The following ILRUN variants were observed in gnomAD, a reference collection of about 807,000 sequenced individuals.
The protein encoded by ILRUN is protein ILRUN.
A neutral mutation model predicts 33.8 loss-of-function variants in ILRUN; 3 were observed. That is an observed-to-expected ratio of 0.09 (90% CI 0.04 to 0.23). ILRUN has a LOEUF of 0.23. ILRUN is among the 10% of genes least tolerant of loss of function. The pLI is 1.00. For missense variants in ILRUN, 210 were observed against 375.1 expected, an observed-to-expected ratio of 0.56 and a Z score of 3.64; for synonymous variants, 124 against 138.9, an observed-to-expected ratio of 0.89 and a Z score of 0.75.
At chr6:34,603,504 G>T (rs530143379) in intron 4 of ILRUN, among the ~76,000 whole-genome samples, 1 of 151,882 alleles carries the variant, frequency 6.6e-6, no homozygotes, top group African/African-American at 2.4e-5. Context: ...GCGTAGTGGC[G>T]GGCGCCTGTG....
chr6:34,690,843 C>T (rs1268437615), intron 1 of ILRUN, among the ~76,000 whole-genome samples: 1 of 152,154 alleles, frequency 6.6e-6, no homozygotes, highest in East Asian at 1.9e-4. Flanking sequence ...TCATGCAAAT[C>T]TCTGCCCGTA....
intron 3 of ILRUN, among the ~76,000 whole-genome samples, chr6:34,644,603 G>A (rs573891589): frequency 1.3e-5 from 2 of 152,104 alleles, no homozygotes; most frequent in African/African-American, 4.8e-5. Flanking sequence ...ATTTTGATAC[G>A]TGATTATTCA....
intron 1 of ILRUN, among the ~76,000 whole-genome samples, chr6:34,670,231 A>G (rs1185585479): frequency 6.6e-6 from 1 of 152,150 alleles, no homozygotes; most frequent in Non-Finnish European, 1.5e-5. Context: ...AAATCTTTAG[A>G]GACAAAAAAG....
intron 1 of ILRUN, among the ~76,000 whole-genome samples, chr6:34,691,765 C>T (rs542344645): frequency 4.6e-5 from 7 of 151,682 alleles, no homozygotes; most frequent in South Asian, 4.2e-4. Context: ...CACTGCACTC[C>T]GGCCTGGGCG....
At chr6:34,599,849 T>A (rs1761472934) in intron 4 of ILRUN, among the ~76,000 whole-genome samples, 1 of 152,216 alleles carries the variant, frequency 6.6e-6, no homozygotes, top group Non-Finnish European at 1.5e-5. Context: ...CTTTCCCCTA[T>A]CCATTGATGG....
At position 34,596,921 on chromosome 6, in the gene ILRUN, C is replaced by T. The variant is rs1371579562; in HGVS notation, c.862-6321G>A. ...GTCCTGTTGAGGAACTTCTCATCTA[C>T]CCATTTATCCTCCCTTCACCCATTC... is the stretch of plus-strand genomic sequence containing the variant. On this transcript the variant is annotated intron_variant, in intron 4 of 4. Transcript: ENST00000374023. Among the ~76,000 whole-genome samples the T allele has an allele frequency of 3.3e-5, 5 of 152,050 alleles. 1 individual carries two copies. The highest frequency in any genetic ancestry group is 1.2e-4 in the African/African-American group (5 of 41,394).
At chr6:34,622,082 T>C (rs1762024295) in intron 3 of ILRUN, among the ~76,000 whole-genome samples, 1 of 152,122 alleles carries the variant, frequency 6.6e-6, no homozygotes, top group Non-Finnish European at 1.5e-5. Context: ...CCTTATGCCA[T>C]ATACAAAAAT....
intron 3 of ILRUN, among the ~76,000 whole-genome samples, chr6:34,645,981 A>G (rs1287791222): frequency 6.6e-6 from 1 of 152,232 alleles, no homozygotes; most frequent in Non-Finnish European, 1.5e-5. Context: ...AAACTTGTGT[A>G]GTATGGTGCC....
chr6:34,695,050 C>A (rs1385330896), intron 1 of ILRUN, among the ~76,000 whole-genome samples: 485 of 110,600 alleles, frequency 4.4e-3, no homozygotes, highest in African/African-American at 5.7e-3. Context: ...GACTCCGTCT[C>A]AAAAAAAAAA....
chr6:34,654,018 C>G (rs1268939513), intron 2 of ILRUN, among the ~76,000 whole-genome samples: 1 of 150,542 alleles, frequency 6.6e-6, no homozygotes, highest in African/African-American at 2.5e-5. Flanking sequence ...TGAGCTACCA[C>G]ACCCAATCTG....
intron 1 of ILRUN, among the ~76,000 whole-genome samples, chr6:34,680,398 AT>A (rs1554189316): frequency 6.6e-6 from 1 of 152,018 alleles, no homozygotes; most frequent in Non-Finnish European, 1.5e-5. Flanking sequence ...ATTATCGCTT[AT>A]TTTTTTGTTT....
chr6:34,656,914 C>G (rs996535421), intron 1 of ILRUN, among the ~76,000 whole-genome samples: 1 of 152,204 alleles, frequency 6.6e-6, no homozygotes, highest in African/African-American at 2.4e-5. Flanking sequence ...CAAACTGCAC[C>G]TGTTTGCTTG....
intron 3 of ILRUN, chr6:34,617,262 G>A (rs546411123): frequency 2.7e-4 from 97 of 362,420 alleles, no homozygotes; most frequent in African/African-American, 1.7e-3. Flanking sequence ...GAACTAAGGC[G>A]TCTATCATGA....
At chr6:34,606,456 T>C (rs1039366289) in intron 4 of ILRUN, 99 bp downstream of exon 4, 47 of 930,068 alleles carry the variant, frequency 5.1e-5, no homozygotes, top group Non-Finnish European at 1.1e-5. Context: ...AAGAACCTCC[T>C]CTGGGGAGCG....
At chr6:34,609,058 A>C (rs931555599) in intron 3 of ILRUN, among the ~76,000 whole-genome samples, 6 of 152,280 alleles carry the variant, frequency 3.9e-5, no homozygotes, top group African/African-American at 1.4e-4. Context: ...AGGCAAATGC[A>C]TTCCATCAGT....
Position 34,612,968 on chromosome 6 carries a change from G to A in ILRUN, c.512-6064C>T, listed in dbSNP as rs193284890. Among the ~76,000 whole-genome samples, 1,369 of 152,092 alleles carry A rather than the reference G, an allele frequency of 9.0e-3. 11 individuals are homozygous for A. Among genetic ancestry groups the A allele is most frequent in the Middle Eastern group, 0.024 (7 of 294 alleles). On this transcript the variant is annotated intron_variant, in intron 3 of 4. Coordinates refer to ENST00000374023, the MANE Select transcript of ILRUN (RefSeq NM_024294.4). The stretch of plus-strand genomic sequence containing the variant: ...TGAGGCAGGAGAATGGCGTGAACCC[G>A]GGAGGCGGAGCTTGCAGTGAGCCGA...
chr6:34,684,297 G>A (rs973539399), intron 1 of ILRUN, among the ~76,000 whole-genome samples: 1 of 152,072 alleles, frequency 6.6e-6, no homozygotes, highest in African/African-American at 2.4e-5. Context: ...TGCAACCCCT[G>A]TTTAAACTAT....
Position 34,590,536 on chromosome 6 carries a change from T to G in ILRUN, c.*29A>C. Reference sequence around the variant, plus strand: ...CCCCAAAGTCAGGCCTTCTGTCTTTTGTTAATTTTTCTTCTTGCTGACACC... The same window carrying G: ...CCCCAAAGTCAGGCCTTCTGTCTTTGGTTAATTTTTCTTCTTGCTGACACC... On this transcript the variant is annotated 3_prime_UTR_variant, in exon 5 of 5. Coordinates refer to ENST00000374023, the MANE Select transcript of ILRUN (RefSeq NM_024294.4). The G allele has an allele frequency of 4.3e-6, 7 of 1,613,896 alleles. No homozygotes were observed. The highest frequency in any genetic ancestry group is 5.9e-6 in the Non-Finnish European group (7 of 1,179,806).
chr6:34,641,551 T>C (rs1192863546), intron 3 of ILRUN, among the ~76,000 whole-genome samples: 1 of 152,168 alleles, frequency 6.6e-6, no homozygotes, highest in African/African-American at 2.4e-5. Flanking sequence ...AGGCCCAGAA[T>C]TCAACGAAAC....
Sources: gnomAD v4.1 joint callset for allele counts (sites outside exome capture counted in the v4.1 genomes callset) on GRCh38, gnomAD v4.1.1 for gene constraint, MANE v1.5 for transcripts, NCBI Gene and HGNC (gene_info 2026-07-23, HGNC 2026-07-21) for gene names.